The following KIF15 variants were observed in gnomAD, a reference collection of about 807,000 sequenced individuals.
KIF15 encodes kinesin family member 15.
Under a neutral mutation model 190.6 loss-of-function variants are expected in KIF15, and 140 were observed. The ratio of observed to expected loss-of-function variants is 0.73; its 90% CI spans 0.64 to 0.84. The LOEUF (loss-of-function observed/expected upper bound fraction) is 0.84. KIF15 is among the 40% of genes least tolerant of loss of function. The probability of loss-of-function intolerance (pLI) is 0.00; values close to 1 mark genes in which losing one functional copy is unlikely to be tolerated. For synonymous variants in KIF15, 528 were observed against 551.3 expected (o/e 0.96, Z 0.59); for missense variants, 1,372 against 1,584.4 (o/e 0.87, Z 2.28).
chr3:44,822,410 G>A (rs890266145), intron 20 of KIF15, among the ~76,000 whole-genome samples: 1 of 152,132 alleles, frequency 6.6e-6, no homozygotes, highest in Admixed American at 6.5e-5. Context: ...TGGGTAACCC[G>A]ACCTTTCACT....
At chr3:44,857,749 TG>T (rs1181456815), downstream of KIF15, among the ~76,000 whole-genome samples, 1 of 152,100 alleles carries the variant, frequency 6.6e-6, no homozygotes, top group Admixed American at 6.5e-5. Context: ...TAGAAGGGGT[TG>T]GGGTTTGAGA....
At chr3:44,762,755 A>G (rs1705207427) in intron 1 of KIF15, among the ~76,000 whole-genome samples, 1 of 152,154 alleles carries the variant, frequency 6.6e-6, no homozygotes, top group Non-Finnish European at 1.5e-5. Flanking sequence ...TGTTTCATTA[A>G]TCTTTTAGGT....
chr3:44,813,156 C>T lies in KIF15; in HGVS notation c.2359C>T (p.Gln787Ter). ...SQLNVLEKQL[Q>*]ETQTKNDFLK... Reference sequence around the variant, plus strand: ...GTTGAATGTCCTTGAAAAGCAGCTTCAAGAGACTCAAACTAAAAATGACTG... The same window carrying T: ...GTTGAATGTCCTTGAAAAGCAGCTTTAAGAGACTCAAACTAAAAATGACTG... Residue 787 changes from glutamine to a stop codon, truncating the protein, a stop_gained, in exon 19 of 35, where the codon CAA (glutamine) becomes TAA (stop). Coordinates refer to ENST00000326047, the MANE Select transcript of KIF15 (RefSeq NM_020242.3). LOFTEE classifies it high-confidence loss of function. 1 of 1,599,964 alleles carries T rather than the reference C, an allele frequency of 6.3e-7. No individual in the cohort carries two copies. Among genetic ancestry groups the T allele is most frequent in the South Asian group, 1.1e-5 (1 of 88,332 alleles).
intron 16 of KIF15, 142 bp downstream of exon 16, chr3:44,806,128 G>GTTA: frequency 2.3e-6 from 2 of 872,926 alleles, no homozygotes; most frequent in Non-Finnish European, 3.4e-6. Context: ...TGGTCTTTGG[G>GTTA]TTACTGCTAG....
At chr3:44,826,582 A>G in intron 22 of KIF15, 122 bp downstream of exon 22, 1 of 652,688 alleles carries the variant, frequency 1.5e-6, no homozygotes, top group Non-Finnish European at 2.5e-6. Flanking sequence ...GCATTCCAAA[A>G]GCAACAGCAG....
chr3:44,821,669 G>A (rs914184069), intron 20 of KIF15, among the ~76,000 whole-genome samples: 5 of 150,804 alleles, frequency 3.3e-5, no homozygotes, highest in East Asian at 4.0e-4. Flanking sequence ...GGCTCCTCAC[G>A]TCCCAGATGA....
chr3:44,851,129 A>G (rs1273185000), intron 32 of KIF15, among the ~76,000 whole-genome samples: 1 of 152,146 alleles, frequency 6.6e-6, no homozygotes, highest in South Asian at 2.1e-4. Context: ...AGCCAAGCAC[A>G]GTGGTGCATG....
In KIF15 at chr3:44,783,073, A is replaced by T. The variant is rs114695943; in HGVS notation, c.362-1772A>T. The stretch of plus-strand genomic sequence containing the variant: ...TGGAATAAAGACGATTAGGGGATAG[A>T]GCGGGATTAGGAGATACTGCAGTGG... On this transcript the variant is annotated intron_variant, in intron 5 of 34. Transcript: ENST00000326047. Among the ~76,000 whole-genome samples the T allele has an allele frequency of 7.0e-3, 1,070 of 152,322 alleles. 3 individuals carry two copies. The highest frequency in any genetic ancestry group is 0.017 in the Middle Eastern group (5 of 294).
chr3:44,777,373 T>TA (rs1434429492), intron 3 of KIF15, among the ~76,000 whole-genome samples: 1 of 152,158 alleles, frequency 6.6e-6, no homozygotes, highest in Non-Finnish European at 1.5e-5. Flanking sequence ...ATCTTTTTTT[T>TA]ATGTGGAGCA....
At chr3:44,845,058 G>C (rs1046557667) in intron 30 of KIF15, among the ~76,000 whole-genome samples, 2 of 152,222 alleles carry the variant, frequency 1.3e-5, no homozygotes, top group African/African-American at 2.4e-5. Context: ...TCATGACTGA[G>C]TGAGGCAATG....
chr3:44,834,101 C>T (rs541789123), intron 26 of KIF15, among the ~76,000 whole-genome samples: 1 of 152,116 alleles, frequency 6.6e-6, no homozygotes, highest in South Asian at 2.1e-4. Context: ...ATTTAAATAT[C>T]GTATTTTAGA....
downstream of KIF15, among the ~76,000 whole-genome samples, chr3:44,854,258 G>T (rs937000183): frequency 2.6e-5 from 4 of 151,942 alleles, no homozygotes; most frequent in East Asian, 7.7e-4. Flanking sequence ...GGTGGCGCAT[G>T]CCTGTAATCC....
chr3:44,764,795 C>G (rs903128863), intron 1 of KIF15, among the ~76,000 whole-genome samples: 3 of 152,244 alleles, frequency 2.0e-5, no homozygotes, highest in African/African-American at 7.2e-5. Context: ...CACCACCAAG[C>G]CTGGCTATTT....
At chr3:44,803,208 G>A (rs755902884) in intron 14 of KIF15, among the ~76,000 whole-genome samples, 1 of 152,060 alleles carries the variant, frequency 6.6e-6, no homozygotes, top group Non-Finnish European at 1.5e-5. Context: ...TAGATATAAC[G>A]AGAAAATACT....
At chr3:44,843,040 A>T in intron 29 of KIF15, 85 bp from the exon 30 acceptor site, 1 of 898,256 alleles carries the variant, frequency 1.1e-6, no homozygotes, top group Admixed American at 2.4e-5. Flanking sequence ...TAAAAGAGGA[A>T]TACCTGTCTC....
chr3:44,822,096 G>A (rs1697372441), intron 20 of KIF15, among the ~76,000 whole-genome samples: 1 of 152,240 alleles, frequency 6.6e-6, no homozygotes, highest in South Asian at 2.1e-4. Flanking sequence ...TTTCTTCCTA[G>A]CGTCGATGGT....
intron 14 of KIF15, among the ~76,000 whole-genome samples, chr3:44,804,699 T>C (rs1707413148): frequency 6.6e-6 from 1 of 152,148 alleles, no homozygotes; most frequent in African/African-American, 2.4e-5. Flanking sequence ...GTTATAAGCT[T>C]TTGTATTTTA....
chr3:44,838,296 C>T lies in KIF15; in HGVS notation c.3193C>T (p.Leu1065=). The change falls in exon 27 of 35, where the codon CTG becomes TTG. Residue 1065 remains leucine, a synonymous_variant. Coordinates refer to ENST00000326047, the MANE Select transcript of KIF15 (RefSeq NM_020242.3). ...DIERDMLCED[L]AHATEQLNML... is the part of the protein sequence containing the mutation. ...ACAGAGGGATATGCTCTGTGAGGACCTGGCTCATGCCACTGAGCAGCTGAA... is the reference window on the plus strand; with the variant it reads ...ACAGAGGGATATGCTCTGTGAGGACTTGGCTCATGCCACTGAGCAGCTGAA... 1 of 1,613,206 alleles carries T rather than the reference C, an allele frequency of 6.2e-7. No individual in the cohort carries two copies. Among genetic ancestry groups the T allele is most frequent in the Non-Finnish European group, 8.5e-7 (1 of 1,179,654 alleles).
Position 44,840,452 on chromosome 3 carries a change from C to A in KIF15, c.3416C>A (p.Pro1139His). Residue 1139 changes from proline to histidine, a missense_variant, in exon 28 of 35, where the codon CCC becomes CAC. Physicochemically the swap from Pro to His is moderately conservative, Grantham distance 77 (BLOSUM62 -2). Coordinates refer to ENST00000326047, the MANE Select transcript of KIF15 (RefSeq NM_020242.3). ...GTGATGGATTCTGCTGCTGAGGATC[C>A]CCAGGTACTTTTCAGAAAAAGATTA... Reference protein sequence around the residue: ...EHVMDSAAEDPQSPKTPPHFQ... With the variant: ...EHVMDSAAEDHQSPKTPPHFQ... 1 of 1,585,964 alleles carries A rather than the reference C, an allele frequency of 6.3e-7. No homozygotes were observed. Among genetic ancestry groups the A allele is most frequent in the Non-Finnish European group, 8.6e-7 (1 of 1,164,878 alleles).
Sources: allele counts gnomAD v4.1 joint callset (sites outside exome capture counted in the v4.1 genomes callset), GRCh38; gene constraint gnomAD v4.1.1; transcripts MANE v1.5; gene names NCBI Gene and HGNC (gene_info 2026-07-23, HGNC 2026-07-21).